The following FOXP1 variants were observed in gnomAD, a reference collection of about 807,000 sequenced individuals.
The protein encoded by FOXP1 is forkhead box P1.
In FOXP1, 15 loss-of-function variants were observed where a neutral mutation model predicts 98.2. The observed-to-expected ratio is 0.15, with a 90% CI of 0.10 to 0.24. The LOEUF (loss-of-function observed/expected upper bound fraction) is 0.24. Among genes scored for constraint, FOXP1 ranks in the 10% least tolerant of loss-of-function variants. The pLI is 1.00. For missense variants in FOXP1, 633 were observed against 848.5 expected (o/e 0.75, Z 3.15); for synonymous variants, 371 against 314.5 (o/e 1.18, Z -1.90).
chr3:71,280,331 T>TTTTC (rs1491190105), intron 5 of FOXP1, among the ~76,000 whole-genome samples: 1 of 151,374 alleles, frequency 6.6e-6, no homozygotes, highest in Admixed American at 6.6e-5. Flanking sequence ...CTTTTTTTTT[T>TTTTC]ATTTTTTGAG....
At chr3:71,048,241 T>C (rs2049311968) in intron 9 of FOXP1, among the ~76,000 whole-genome samples, 1 of 152,186 alleles carries the variant, frequency 6.6e-6, no homozygotes, top group South Asian at 2.1e-4. Flanking sequence ...AAAAGGACTA[T>C]CCAAGCCCTT....
At chr3:71,366,363 T>A (rs2078931827) in intron 3 of FOXP1, among the ~76,000 whole-genome samples, 1 of 152,200 alleles carries the variant, frequency 6.6e-6, no homozygotes, top group African/African-American at 2.4e-5. Flanking sequence ...GCATATTTTA[T>A]AGGTTGTAGT....
At chr3:70,976,383 GAAAAAC>G (rs2037532797) in intron 17 of FOXP1, among the ~76,000 whole-genome samples, 1 of 152,082 alleles carries the variant, frequency 6.6e-6, no homozygotes, top group East Asian at 1.9e-4. Flanking sequence ...ACCAAAAAAA[GAAAAAC>G]AAAAACCCCT....
chr3:71,372,209 A>G (rs1403748150), intron 3 of FOXP1, among the ~76,000 whole-genome samples: 1 of 147,892 alleles, frequency 6.8e-6, no homozygotes. Flanking sequence ...TTTAGTAGAG[A>G]CAGGGTTTTG....
At chr3:71,281,433 A>C (rs1372374991) in intron 5 of FOXP1, among the ~76,000 whole-genome samples, 2 of 152,152 alleles carry the variant, frequency 1.3e-5, no homozygotes, top group Non-Finnish European at 2.9e-5. Context: ...CTGAGTGGTG[A>C]GAAAGCACCC....
chr3:70,977,802 C>A (rs372660817), intron 15 of FOXP1, 26 bp downstream of exon 15: 2 of 1,612,820 alleles, frequency 1.2e-6, no homozygotes, highest in East Asian at 2.2e-5. Flanking sequence ...TACAACTCTA[C>A]GTGAGGCAAA....
At chr3:71,481,107 G>C (rs767881231) in intron 3 of FOXP1, among the ~76,000 whole-genome samples, 8 of 152,140 alleles carry the variant, frequency 5.3e-5, no homozygotes, top group Non-Finnish European at 1.0e-4. Context: ...AGAAATGAGG[G>C]CAACTTTGCT....
intron 5 of FOXP1, among the ~76,000 whole-genome samples, chr3:71,201,796 A>C (rs2063692829): frequency 6.6e-6 from 1 of 152,160 alleles, no homozygotes; most frequent in Admixed American, 6.5e-5. Context: ...ATATAGATTT[A>C]AAAATATGTA....
rs145726403 is a variant in FOXP1, at chr3:71,405,889, C to T, written c.-167-46645G>A. Among the ~76,000 whole-genome samples the T allele has an allele frequency of 1.5e-3, 231 of 152,020 alleles. 1 individual carries two copies. The highest frequency in any genetic ancestry group is 4.7e-3 in the African/African-American group (195 of 41,444). On this transcript the variant is annotated intron_variant, in intron 3 of 20. Transcript: ENST00000649528. Reference sequence around the variant, plus strand: ...GATTACAGGTGCCCGCCCCAACGCCCGGCTAATTTTTTATATTTTTAGTAG... The same window carrying T: ...GATTACAGGTGCCCGCCCCAACGCCTGGCTAATTTTTTATATTTTTAGTAG...
At chr3:71,536,670 A>G (rs768279307) in intron 2 of FOXP1, among the ~76,000 whole-genome samples, 3 of 151,988 alleles carry the variant, frequency 2.0e-5, no homozygotes, top group Non-Finnish European at 4.4e-5. Context: ...TAAAGGGCAA[A>G]AATGTATGGG....
At chr3:71,402,911 G>A (rs773389812) in intron 3 of FOXP1, among the ~76,000 whole-genome samples, 3 of 152,198 alleles carry the variant, frequency 2.0e-5, no homozygotes, top group Non-Finnish European at 4.4e-5. Context: ...TCCTCTAACT[G>A]GTATATGTCT....
chr3:71,204,768 T>C (rs547896104), intron 5 of FOXP1, among the ~76,000 whole-genome samples: 79 of 151,708 alleles, frequency 5.2e-4, no homozygotes, highest in Non-Finnish European at 1.0e-3. Context: ...ACAAAAAGGG[T>C]AGATGGGAGG....
chr3:71,085,739 T>TTTTTTTTTTTTTTTTTTTTTTTTTA, intron 7 of FOXP1, among the ~76,000 whole-genome samples: 1 of 105,908 alleles, frequency 9.4e-6, no homozygotes, highest in Non-Finnish European at 1.9e-5. Flanking sequence ...TATGGCCTTT[T>TTTTTTTTTTTTTTTTTTTTTTTTTA]TTTTTTTTTT....
intron 3 of FOXP1, among the ~76,000 whole-genome samples, chr3:71,409,754 C>G (rs758296555): frequency 6.6e-6 from 1 of 152,182 alleles, no homozygotes; most frequent in African/African-American, 2.4e-5. Flanking sequence ...AAACAGTGTG[C>G]AGTAATCCCA....
chr3:71,209,767 C>T (rs1202448039), intron 5 of FOXP1, among the ~76,000 whole-genome samples: 4 of 152,106 alleles, frequency 2.6e-5, no homozygotes, highest in East Asian at 1.9e-4. Flanking sequence ...ATCAGAGATA[C>T]TATATTTAGA....
intron 7 of FOXP1, among the ~76,000 whole-genome samples, chr3:71,106,621 G>A (rs2057452948): frequency 6.7e-6 from 1 of 149,558 alleles, no homozygotes; most frequent in Non-Finnish European, 1.5e-5. Context: ...ATTGCACCCG[G>A]CCACTTTTTT....
intron 6 of FOXP1, among the ~76,000 whole-genome samples, chr3:71,197,329 A>G (rs1320020013): frequency 4.6e-5 from 7 of 152,166 alleles, no homozygotes; most frequent in Non-Finnish European, 1.0e-4. Context: ...GCCTAATAAT[A>G]TTTCCTGATT....
intron 5 of FOXP1, among the ~76,000 whole-genome samples, chr3:71,264,130 C>T (rs1345906531): frequency 6.6e-6 from 1 of 152,090 alleles, no homozygotes; most frequent in East Asian, 1.9e-4. Flanking sequence ...ACAACTATGA[C>T]TTGTAAGTCC....
chr3:71,100,657 G>A (rs2056873142), intron 7 of FOXP1, among the ~76,000 whole-genome samples: 1 of 152,128 alleles, frequency 6.6e-6, no homozygotes, highest in African/African-American at 2.4e-5. Flanking sequence ...ATCACCAAAG[G>A]TCTTCTCTCT....
Sources: allele counts gnomAD v4.1 joint callset (sites outside exome capture counted in the v4.1 genomes callset), GRCh38; gene constraint gnomAD v4.1.1; transcripts MANE v1.5; gene names NCBI Gene and HGNC (gene_info 2026-07-23, HGNC 2026-07-21).